Variants in NFIA observed in about 807,000 individuals in gnomAD.
NFIA encodes nuclear factor I A, also known as nuclear factor 1 A-type.
NFIA carries 8 observed loss-of-function variants against 62.8 expected under a neutral mutation model. The observed-to-expected ratio is 0.13, with a 90% CI of 0.07 to 0.23. The LOEUF (loss-of-function observed/expected upper bound fraction) is 0.23. NFIA is among the 10% of genes least tolerant of loss of function. NFIA has a pLI of 1.00. For missense variants in NFIA, 410 were observed against 642.1 expected (o/e 0.64, Z 3.91); for synonymous variants, 235 against 238.1 (o/e 0.99, Z 0.12).
At chr1:61,198,946 T>A (rs1485903051) in intron 2 of NFIA, among the ~76,000 whole-genome samples, 1 of 152,194 alleles carries the variant, frequency 6.6e-6, no homozygotes, top group African/African-American at 2.4e-5. Flanking sequence ...TCTGAAGTAT[T>A]ATGTTTGCCA....
At chr1:61,408,556 A>G (rs542348730) in intron 9 of NFIA, among the ~76,000 whole-genome samples, 1 of 152,204 alleles carries the variant, frequency 6.6e-6, no homozygotes, top group Non-Finnish European at 1.5e-5. Flanking sequence ...ACATTGCCAC[A>G]GTCTTTTAAA....
intron 2 of NFIA, among the ~76,000 whole-genome samples, chr1:61,193,128 T>C (rs528782828): frequency 1.1e-3 from 172 of 152,244 alleles, no homozygotes; most frequent in Non-Finnish European, 2.0e-3. Flanking sequence ...ATGGCTATTA[T>C]CATTGAATGT....
intron 2 of NFIA, among the ~76,000 whole-genome samples, chr1:61,232,544 C>T (rs1654744584): frequency 6.6e-6 from 1 of 152,100 alleles, no homozygotes; most frequent in Non-Finnish European, 1.5e-5. Flanking sequence ...GCCTATGCTA[C>T]AAATTTAAAG....
intron 2 of NFIA, among the ~76,000 whole-genome samples, chr1:61,258,876 C>T (rs1042917141): frequency 6.6e-6 from 1 of 151,978 alleles, no homozygotes; most frequent in African/African-American, 2.4e-5. Flanking sequence ...TACAGGCACA[C>T]ATCACCACAC....
At chr1:61,256,183 T>C (rs889952677) in intron 2 of NFIA, among the ~76,000 whole-genome samples, 1 of 152,056 alleles carries the variant, frequency 6.6e-6, no homozygotes, top group African/African-American at 2.4e-5. Context: ...ATCCCAGCAC[T>C]TGGGGAGGCC....
At chr1:61,198,068 C>T (rs532324816) in intron 2 of NFIA, among the ~76,000 whole-genome samples, 8 of 152,246 alleles carry the variant, frequency 5.3e-5, no homozygotes, top group South Asian at 4.1e-4. Context: ...GTAGAGTAAA[C>T]AGGCAAAGTG....
intron 3 of NFIA, among the ~76,000 whole-genome samples, chr1:61,302,251 G>A (rs2100331826): frequency 6.6e-6 from 1 of 152,280 alleles, no homozygotes; most frequent in East Asian, 1.9e-4. Flanking sequence ...TATATGGAAT[G>A]CAGTCATGTT....
chr1:61,077,676 G>T, upstream of NFIA: 2 of 1,352,474 alleles, frequency 1.5e-6, no homozygotes, highest in Non-Finnish European at 2.0e-6. Context: ...TATGATATGC[G>T]TTTTATAAAC....
At chr1:61,187,765 C>T (rs113750959) in intron 2 of NFIA, among the ~76,000 whole-genome samples, 1 of 152,292 alleles carries the variant, frequency 6.6e-6, no homozygotes, top group Non-Finnish European at 1.5e-5. Context: ...ACTTCAGAAC[C>T]GTATAAATGC....
chr1:61,239,182 A>C (rs534053749), intron 2 of NFIA, among the ~76,000 whole-genome samples: 6 of 152,270 alleles, frequency 3.9e-5, no homozygotes, highest in African/African-American at 1.4e-4. Context: ...TCCATTTGGG[A>C]AAACCTGGTG....
rs188821640 is a variant in NFIA, at chr1:61,409,942, G to A, written c.1420+3215G>A. 1.8e-3 allele frequency among the ~76,000 whole-genome samples: 272 copies of A among 152,328 alleles called. 1 individual carries two copies. The highest frequency in any genetic ancestry group is 2.8e-3 in the Non-Finnish European group (193 of 68,026). ...ATGGAAGGGAATAAATATCAGGAGT[G>A]AAGTAGCTTCTCCCTCCCTTAACAT... On this transcript the variant is annotated intron_variant, in intron 9 of 10. Coordinates refer to ENST00000403491, the MANE Select transcript of NFIA (RefSeq NM_001134673.4).
At chr1:61,296,039 T>A (rs1659174113) in intron 3 of NFIA, among the ~76,000 whole-genome samples, 1 of 152,240 alleles carries the variant, frequency 6.6e-6, no homozygotes, top group Admixed American at 6.5e-5. Context: ...TGCAGAGTAC[T>A]GCAGGGTACT....
chr1:61,405,714 G>C (rs1032798882), intron 8 of NFIA, among the ~76,000 whole-genome samples: 3 of 152,110 alleles, frequency 2.0e-5, no homozygotes, highest in African/African-American at 4.8e-5. Flanking sequence ...TTTGCATTTT[G>C]ATCAGAATTT....
At chr1:61,291,516 T>G (rs891452216) in intron 3 of NFIA, among the ~76,000 whole-genome samples, 1 of 152,172 alleles carries the variant, frequency 6.6e-6, no homozygotes, top group African/African-American at 2.4e-5. Context: ...TACTGTAAAC[T>G]TTAGATTGTT....
At chr1:61,200,034 A>ATATATATATG (rs1557631928) in intron 2 of NFIA, among the ~76,000 whole-genome samples, 1 of 54,890 alleles carries the variant, frequency 1.8e-5, no homozygotes, top group African/African-American at 8.0e-5. Flanking sequence ...ATATATATAT[A>ATATATATATG]TATATATATA....
At chr1:61,361,614 T>C (rs1031466015) in intron 6 of NFIA, among the ~76,000 whole-genome samples, 3 of 152,132 alleles carry the variant, frequency 2.0e-5, no homozygotes, top group Non-Finnish European at 2.9e-5. Flanking sequence ...TGGAGGTTGA[T>C]TGATAATTAC....
intron 2 of NFIA, among the ~76,000 whole-genome samples, chr1:61,257,861 G>GTTTTTTTTTTTTT (rs58077067): frequency 4.7e-5 from 6 of 126,418 alleles, no homozygotes; most frequent in African/African-American, 1.2e-4. Context: ...ATGCTTAGCT[G>GTTTTTTTTTTTTT]TTTTTTTTTT....
chr1:61,132,036 A>T (rs1366403521), intron 2 of NFIA, among the ~76,000 whole-genome samples: 1 of 152,194 alleles, frequency 6.6e-6, no homozygotes, highest in Non-Finnish European at 1.5e-5. Context: ...GTGTTTTGGT[A>T]GGTCAAAATT....
chr1:61,406,543 G>GGGGGCCC lies in NFIA; in HGVS notation c.1255-19_1255-18insGGGGCCC. 2 of 876,652 alleles carry GGGGGCCC rather than the reference G, an allele frequency of 2.3e-6. No individual in the cohort carries two copies. Among genetic ancestry groups the GGGGGCCC allele is most frequent in the Non-Finnish European group, 3.1e-6 (2 of 653,742 alleles). The allele number at this position is 876,652 out of a possible 1,614,324, so 54.3% of individuals were successfully genotyped here. On this transcript the variant is annotated intron_variant, in intron 8 of 10. Coordinates refer to ENST00000403491, the MANE Select transcript of NFIA (RefSeq NM_001134673.4). ...TCTTTTTCTTGTACGTGTGTTTTCT[G>GGGGGCCC]CCCCCCCCCCCCCCACAGCCCAATG...
Sources: allele counts gnomAD v4.1 joint callset (sites outside exome capture counted in the v4.1 genomes callset), GRCh38; gene constraint gnomAD v4.1.1; transcripts MANE v1.5; gene names NCBI Gene and HGNC (gene_info 2026-07-23, HGNC 2026-07-21).